Variants in MYCBP2 observed in about 807,000 individuals in gnomAD.
The protein encoded by MYCBP2 is MYC binding protein 2.
A neutral mutation model predicts 525.3 loss-of-function variants in MYCBP2; 120 were observed. The ratio of observed to expected loss-of-function variants is 0.23; its 90% CI spans 0.20 to 0.27. MYCBP2 has a LOEUF of 0.27. MYCBP2 is among the 10% of genes least tolerant of loss of function. The pLI is 1.00. For missense variants in MYCBP2, 4,149 were observed against 5,657.1 expected, an observed-to-expected ratio of 0.73 and a Z score of 8.55; for synonymous variants, 1,894 against 1,955.8, an observed-to-expected ratio of 0.97 and a Z score of 0.83.
intron 59 of MYCBP2, chr13:77,090,656 A>G (rs1016536240): frequency 6.5e-6 from 1 of 152,856 alleles, no homozygotes; most frequent in Non-Finnish European, 1.5e-5. Flanking sequence ...CTAATAAAAC[A>G]GGAAGCAAAA....
At chr13:77,076,508 T>C (rs1168846475) in intron 68 of MYCBP2, among the ~76,000 whole-genome samples, 1 of 152,038 alleles carries the variant, frequency 6.6e-6, no homozygotes, top group Non-Finnish European at 1.5e-5. Flanking sequence ...AGCACAGAAA[T>C]GATTACAAAT....
At chr13:77,049,649 C>CTT (rs901299086) in intron 82 of MYCBP2, among the ~76,000 whole-genome samples, 1 of 146,522 alleles carries the variant, frequency 6.8e-6, no homozygotes, top group African/African-American at 2.5e-5. Flanking sequence ...CTGCAATTTG[C>CTT]TTTTTTTTTT....
At chr13:77,146,032 T>C (rs2055484274) in intron 48 of MYCBP2, 130 bp downstream of exon 48, 3 of 552,332 alleles carry the variant, frequency 5.4e-6, no homozygotes, top group Non-Finnish European at 6.2e-6. Flanking sequence ...ATATGACATC[T>C]CTATCGGCAA....
At chr13:77,129,877 T>TA (rs1306516030) in intron 52 of MYCBP2, among the ~76,000 whole-genome samples, 2 of 151,902 alleles carry the variant, frequency 1.3e-5, no homozygotes, top group East Asian at 3.9e-4. Flanking sequence ...TATCAAAAGA[T>TA]AAAAATGTAA....
intron 26 of MYCBP2, among the ~76,000 whole-genome samples, chr13:77,197,281 G>T (rs145466513): frequency 6.6e-6 from 1 of 152,152 alleles, no homozygotes; most frequent in African/African-American, 2.4e-5. Context: ...AGACTATCTA[G>T]GTGGCTAGTC....
chr13:77,306,426 G>T (rs74362800), intron 1 of MYCBP2, among the ~76,000 whole-genome samples: 1 of 152,124 alleles, frequency 6.6e-6, no homozygotes, highest in Non-Finnish European at 1.5e-5. Context: ...GGGGAGAGAT[G>T]AAAACAGATT....
chr13:77,307,313 T>C (rs1322870144), intron 1 of MYCBP2, among the ~76,000 whole-genome samples: 1 of 152,136 alleles, frequency 6.6e-6, no homozygotes, highest in Non-Finnish European at 1.5e-5. Context: ...ATGCTTTTTT[T>C]CTGTGGTTTC....
At chr13:77,055,937 A>G (rs989421376) in intron 79 of MYCBP2, among the ~76,000 whole-genome samples, 170 bp from the exon 80 acceptor site, 27 of 152,184 alleles carry the variant, frequency 1.8e-4, no homozygotes, top group African/African-American at 6.3e-4. Flanking sequence ...AGAAGCCCAT[A>G]TTTTTCCAAG....
intron 52 of MYCBP2, among the ~76,000 whole-genome samples, chr13:77,133,847 C>T (rs2053309130): frequency 6.6e-6 from 1 of 152,176 alleles, no homozygotes; most frequent in Non-Finnish European, 1.5e-5. Context: ...AGCCATTCCA[C>T]AACTTATCAC....
chr13:77,109,052 C>T (rs2048337957), intron 55 of MYCBP2, among the ~76,000 whole-genome samples: 2 of 152,176 alleles, frequency 1.3e-5, no homozygotes. Context: ...GTACCAGCAA[C>T]TCACTGCCTC....
In MYCBP2 at chr13:77,157,950, C is replaced by T; in HGVS notation, c.6757G>A (p.Gly2253Arg). The change falls in exon 45 of 83, where the codon GGA (glycine) becomes AGA (arginine). Residue 2253 changes from glycine to arginine, a missense_variant. Physicochemically the swap from Gly to Arg is moderately radical, Grantham distance 125. Around this residue, in one of 21 missense-constraint regions of MYCBP2, gnomAD observed 692 missense variants for 852.7 expected, o/e 0.81. Coordinates refer to ENST00000544440, the MANE Select transcript of MYCBP2 (RefSeq NM_015057.5). ...AAGTACATTTACCTTGCAAGCCTTC[C>T]ACCACTTGATCCTGGGACACAGGCA... ...FIACVPGSSG[G>R]RLARWLQPDS... is the part of the protein sequence containing the mutation. The T allele has an allele frequency of 6.2e-7, 1 of 1,611,392 alleles. No individual in the cohort carries two copies. The highest frequency in any genetic ancestry group is 8.5e-7 in the Non-Finnish European group (1 of 1,179,226).
intron 32 of MYCBP2, among the ~76,000 whole-genome samples, chr13:77,183,767 C>T (rs963997143): frequency 1.2e-4 from 18 of 151,644 alleles, no homozygotes; most frequent in African/African-American, 2.9e-4. Flanking sequence ...AGGCTGGTCT[C>T]GAACTCCTGA....
At chr13:77,322,355 T>C (rs1223328329) in intron 1 of MYCBP2, among the ~76,000 whole-genome samples, 1 of 152,220 alleles carries the variant, frequency 6.6e-6, no homozygotes, top group East Asian at 1.9e-4. Flanking sequence ...CTTCTAGGAC[T>C]TCAGGACCCA....
chr13:77,134,675 T>C (rs1324338353), intron 52 of MYCBP2, among the ~76,000 whole-genome samples: 1 of 152,190 alleles, frequency 6.6e-6, no homozygotes, highest in African/African-American at 2.4e-5. Flanking sequence ...CTTCATCTAT[T>C]TAGCTCTATC....
intron 8 of MYCBP2, among the ~76,000 whole-genome samples, chr13:77,267,089 C>T (rs2074213638): frequency 6.6e-6 from 1 of 152,022 alleles, no homozygotes; most frequent in African/African-American, 2.4e-5. Context: ...TATTGACAGA[C>T]ACATTAGACA....
chr13:77,048,899 C>T (rs2036158499), intron 82 of MYCBP2, among the ~76,000 whole-genome samples: 1 of 152,092 alleles, frequency 6.6e-6, no homozygotes, highest in African/African-American at 2.4e-5. Context: ...TTTTAGCATT[C>T]TTATTTCTGT....
chr13:77,288,063 T>A (rs977375578), intron 3 of MYCBP2, 98 bp downstream of exon 3: 3 of 1,242,582 alleles, frequency 2.4e-6, no homozygotes, highest in African/African-American at 3.0e-5. Flanking sequence ...TGTGCAATTT[T>A]ACATAAAGCA....
intron 68 of MYCBP2, among the ~76,000 whole-genome samples, 198 bp from the exon 69 acceptor site, chr13:77,070,909 G>A (rs2041106960): frequency 6.6e-6 from 1 of 152,032 alleles, no homozygotes; most frequent in Non-Finnish European, 1.5e-5. Context: ...TCAGAACTTA[G>A]GAAATTCAGA....
chr13:77,255,614 AAATC>A (rs1048774784), intron 14 of MYCBP2, among the ~76,000 whole-genome samples: 4 of 152,094 alleles, frequency 2.6e-5, no homozygotes. Flanking sequence ...ATTTAGTAAT[AAATC>A]AAAGTATTTC....
Sources: allele counts gnomAD v4.1 joint callset (sites outside exome capture counted in the v4.1 genomes callset), GRCh38; gene constraint gnomAD v4.1.1; regional missense constraint gnomAD v4.1.1; transcripts MANE v1.5; gene names NCBI Gene and HGNC (gene_info 2026-07-23, HGNC 2026-07-21).